The following PAQR5 variants were observed in gnomAD, a reference collection of about 807,000 sequenced individuals.
PAQR5 encodes membrane progestin receptor gamma.
In PAQR5, 20 loss-of-function variants were observed where a neutral mutation model predicts 34.5. The ratio of observed to expected loss-of-function variants is 0.58; its 90% CI spans 0.41 to 0.84. The LOEUF (loss-of-function observed/expected upper bound fraction) is 0.84, where lower values mean the gene tolerates loss of function less well. PAQR5 is among the 40% of genes least tolerant of loss of function. The probability of loss-of-function intolerance (pLI) is 0.00; values close to 1 mark genes in which losing one functional copy is unlikely to be tolerated. For missense variants in PAQR5, 378 were observed against 412.7 expected, an observed-to-expected ratio of 0.92 and a Z score of 0.73; for synonymous variants, 131 against 155.6, an observed-to-expected ratio of 0.84 and a Z score of 1.18.
Position 69,405,670 on chromosome 15 carries a change from A to G in PAQR5, c.*1848A>G, listed in dbSNP as rs1027239683. 1.3e-5 allele frequency: 2 copies of G among 152,218 alleles called. No homozygotes were observed. The highest frequency in any genetic ancestry group is 1.3e-4 in the Admixed American group (2 of 15,286). 9.4% of individuals were successfully genotyped at this position (152,218 alleles called of 1,614,324 possible). A position where few individuals can be genotyped will look rare whatever the true frequency, so the allele number is the denominator to read the frequency against. On this transcript the variant is annotated 3_prime_UTR_variant, in exon 9 of 9. Coordinates refer to ENST00000395407, the MANE Select transcript of PAQR5 (RefSeq NM_017705.4). The stretch of plus-strand genomic sequence containing the variant: ...CTTTCTAGTAATGCCAAAGACATAC[A>G]GTGTTTTACATTCTCTCCTTTATAG...
intron 7 of PAQR5, chr15:69,397,770 T>C (rs1296376486): frequency 8.3e-6 from 5 of 600,238 alleles, no homozygotes; most frequent in Admixed American, 5.9e-5. Context: ...AATAAGAAGA[T>C]TTTTCTTAGT....
chr15:69,389,827 A>G lies in PAQR5; in HGVS notation c.512+47A>G, dbSNP rs1003515693. ...GATGGGAGGGGAGGGAGGGTCTTGC[A>G]TGCAGCTCCCTGCACTCTTTGAGGG... On this transcript the variant is annotated intron_variant, in intron 6 of 8. Coordinates refer to ENST00000395407, the MANE Select transcript of PAQR5 (RefSeq NM_017705.4). The G allele has an allele frequency of 1.9e-6, 3 of 1,608,518 alleles. No individual in the cohort carries two copies. In the African/African-American group the frequency reaches 4.0e-5, roughly 21 times the overall value.
chr15:69,384,633 C>T (rs539673932), intron 4 of PAQR5, 44 bp from the exon 5 acceptor site: 1 of 1,418,566 alleles, frequency 7.0e-7, no homozygotes, highest in Non-Finnish European at 1.0e-6. Flanking sequence ...TGAGCGGGCC[C>T]TCTGTGTTCA....
At chr15:69,389,512 G>C in intron 5 of PAQR5, 142 bp from the exon 6 acceptor site, 1 of 1,011,440 alleles carries the variant, frequency 9.9e-7, no homozygotes, top group East Asian at 2.5e-5. Context: ...CATCCTAGAA[G>C]GGGGAATGGC....
intron 2 of PAQR5, among the ~76,000 whole-genome samples, chr15:69,355,770 G>C (rs1433882219): frequency 6.6e-6 from 1 of 151,862 alleles, no homozygotes; most frequent in Non-Finnish European, 1.5e-5. Context: ...GACAAGGATA[G>C]TCTTATTCAT....
chr15:69,372,336 G>T (rs1353034732), intron 3 of PAQR5, among the ~76,000 whole-genome samples: 1 of 152,150 alleles, frequency 6.6e-6, no homozygotes, highest in African/African-American at 2.4e-5. Flanking sequence ...TTGAGGTCAG[G>T]AGTTCAAGAC....
Position 69,365,339 on chromosome 15 carries a change from C to T in PAQR5, c.51+5208C>T, listed in dbSNP as rs547582718. Reference sequence around the variant, plus strand: ...GCCAGGCTGGTCTCAAACTCCTGACCTCAGGTGATCCACCTGCCTCAGCCT... The same window carrying T: ...GCCAGGCTGGTCTCAAACTCCTGACTTCAGGTGATCCACCTGCCTCAGCCT... On this transcript the variant is annotated intron_variant, in intron 3 of 8. Transcript: ENST00000395407. Among the ~76,000 whole-genome samples, 134 of 151,560 alleles carry T rather than the reference C, an allele frequency of 8.8e-4. 2 individuals are homozygous for T. In the Middle Eastern group the frequency reaches 0.017, roughly 19 times the overall value.
chr15:69,378,436 C>CAAAA (rs1235264927), intron 3 of PAQR5, among the ~76,000 whole-genome samples: 21 of 52,450 alleles, frequency 4.0e-4, no homozygotes, highest in East Asian at 1.4e-3. Flanking sequence ...GACCCTGTCT[C>CAAAA]AAAAAAAAAA....
chr15:69,356,581 T>C (rs1322445979), intron 2 of PAQR5, among the ~76,000 whole-genome samples: 1 of 152,128 alleles, frequency 6.6e-6, no homozygotes, highest in Non-Finnish European at 1.5e-5. Flanking sequence ...CCATCATCCA[T>C]CTTCAGAACA....
chr15:69,368,644 G>T (rs1380144282), intron 3 of PAQR5, among the ~76,000 whole-genome samples: 1 of 152,128 alleles, frequency 6.6e-6, no homozygotes, highest in Non-Finnish European at 1.5e-5. Flanking sequence ...TCTCTGGACT[G>T]CATTCTGGGT....
chr15:69,397,294 A>G, intron 6 of PAQR5, 174 bp from the exon 7 acceptor site: 1 of 704,080 alleles, frequency 1.4e-6, no homozygotes, highest in South Asian at 1.5e-5. Context: ...TGTCACTTCC[A>G]TTGGGGTGGG....
In PAQR5 at chr15:69,303,548, C is replaced by T. The variant is rs184865172; in HGVS notation, c.-277+4492C>T. Among the ~76,000 whole-genome samples the T allele has an allele frequency of 8.2e-3, 1,216 of 149,170 alleles. 12 individuals carry two copies. Among genetic ancestry groups the T allele is most frequent in the Middle Eastern group, 0.041 (12 of 294 alleles). ...CCTCTTCAGGCAGCCTTTTAAAATT[C>T]CCCAGTGCAATTAAAAAAAAAAAAA... On this transcript the variant is annotated intron_variant, in intron 1 of 8. Coordinates refer to ENST00000395407, the MANE Select transcript of PAQR5 (RefSeq NM_017705.4).
rs185184665 is a variant in PAQR5, at chr15:69,370,454, A to G, written c.52-9429A>G. On this transcript the variant is annotated intron_variant, in intron 3 of 8. Coordinates refer to ENST00000395407, the MANE Select transcript of PAQR5 (RefSeq NM_017705.4). ...TACTTAAAAGTTATAAATGAAGCCAACAAACAGTTATGTAAAGTGGTTCTA... is the reference window on the plus strand; with the variant it reads ...TACTTAAAAGTTATAAATGAAGCCAGCAAACAGTTATGTAAAGTGGTTCTA... Among the ~76,000 whole-genome samples the G allele has an allele frequency of 1.7e-3, 265 of 152,338 alleles. 2 individuals carry two copies. The highest frequency in any genetic ancestry group is 6.1e-3 in the African/African-American group (252 of 41,580).
intron 7 of PAQR5, among the ~76,000 whole-genome samples, chr15:69,398,046 C>T (rs2056502979): frequency 6.6e-6 from 1 of 152,154 alleles, no homozygotes; most frequent in Admixed American, 6.5e-5. Context: ...AGTCCCTGGG[C>T]CAGTTCTCTA....
intron 3 of PAQR5, among the ~76,000 whole-genome samples, chr15:69,369,467 C>G (rs1228135928): frequency 6.6e-6 from 1 of 151,554 alleles, no homozygotes; most frequent in Non-Finnish European, 1.5e-5. Flanking sequence ...ACTCAGGAGG[C>G]AGAGGTTGCA....
chr15:69,322,698 G>GAAGAAGAAA (rs2054129281), intron 1 of PAQR5, among the ~76,000 whole-genome samples: 1 of 10,828 alleles, frequency 9.2e-5, no homozygotes, highest in Non-Finnish European at 1.5e-4. Flanking sequence ...AGAGGAAGAA[G>GAAGAAGAAA]AAGAAGAAGA....
intron 1 of PAQR5, among the ~76,000 whole-genome samples, chr15:69,318,059 C>T (rs1160505225): frequency 6.6e-6 from 1 of 152,222 alleles, no homozygotes; most frequent in Non-Finnish European, 1.5e-5. Context: ...TTTCTGAGTG[C>T]TATCCCATAC....
chr15:69,390,840 T>C (rs2056247142), intron 6 of PAQR5, among the ~76,000 whole-genome samples: 1 of 152,156 alleles, frequency 6.6e-6, no homozygotes, highest in Non-Finnish European at 1.5e-5. Flanking sequence ...TTTTTTTTTT[T>C]TTTCTTTCAA....
At position 69,321,674 on chromosome 15, in the gene PAQR5, C is replaced by T. The variant is rs531048730; in HGVS notation, c.-276-15667C>T. 3.9e-5 allele frequency among the ~76,000 whole-genome samples: 6 copies of T among 152,226 alleles called. No homozygotes were observed. The South Asian group carries it at 8.3e-4, about 21-fold the overall frequency. ...GGACCAAACAGATATACAATTTTGG[C>T]ACTGAAGTGCAGTTTTCGTGAACAC... On this transcript the variant is annotated intron_variant, in intron 1 of 8. Transcript: ENST00000395407.
Sources: allele counts gnomAD v4.1 joint callset (sites outside exome capture counted in the v4.1 genomes callset), GRCh38; gene constraint gnomAD v4.1.1; transcripts MANE v1.5; gene names NCBI Gene and HGNC (gene_info 2026-07-23, HGNC 2026-07-21).